Variants in ZNF133 observed in about 807,000 individuals in gnomAD.
The protein encoded by ZNF133 is zinc finger protein 133.
Under a neutral mutation model 54.9 loss-of-function variants are expected in ZNF133, and 26 were observed. That is an observed-to-expected ratio of 0.47 (90% CI 0.35 to 0.66). The LOEUF is 0.66. Ranked by LOEUF, ZNF133 falls within the 30% of genes least tolerant of loss-of-function variation. ZNF133 has a pLI of 0.01. For missense variants in ZNF133, 653 were observed against 820.8 expected (o/e 0.80, Z 2.50); for synonymous variants, 298 against 320.3 (o/e 0.93, Z 0.74).
intron 1 of ZNF133, among the ~76,000 whole-genome samples, chr20:18,291,908 A>C (rs1428616212): frequency 6.6e-6 from 1 of 152,082 alleles, no homozygotes; most frequent in Non-Finnish European, 1.5e-5. Context: ...TAATGTGTGC[A>C]ACAAGAAACT....
rs1023270166 is a variant in ZNF133, at chr20:18,316,807, C to T, written c.1956C>T (p.Tyr652=). ...PCAGQPSDSL[Y]SL Reference sequence around the variant, plus strand: ...CAGGGCAACCTTCGGATTCCTTATACTCTCTCTGAAGGCAAAGATGGGGAC... The same window carrying T: ...CAGGGCAACCTTCGGATTCCTTATATTCTCTCTGAAGGCAAAGATGGGGAC... Residue 652 remains tyrosine (Y), a synonymous_variant, in exon 7 of 7, where the codon TAC becomes TAT. Transcript: ENST00000425686. 4 of 1,606,460 alleles carry T rather than the reference C, an allele frequency of 2.5e-6. No individual in the cohort carries two copies. Among genetic ancestry groups the T allele is most frequent in the Non-Finnish European group, 3.4e-6 (4 of 1,175,482 alleles).
intron 6 of ZNF133, among the ~76,000 whole-genome samples, chr20:18,307,230 TTTTG>T (rs1462929272): frequency 1.3e-5 from 2 of 152,202 alleles, no homozygotes; most frequent in African/African-American, 2.4e-5. Flanking sequence ...TTTCTGTTCT[TTTTG>T]TTTGTTTGAA....
chr20:18,295,026 T>C (rs561386409), intron 1 of ZNF133: 1 of 152,310 alleles, frequency 6.6e-6, no homozygotes, highest in East Asian at 1.9e-4. Flanking sequence ...TGGGACAGTA[T>C]TTGGAGCATA....
intron 1 of ZNF133, among the ~76,000 whole-genome samples, chr20:18,289,560 C>T (rs894124441): frequency 1.3e-5 from 2 of 152,178 alleles, no homozygotes; most frequent in African/African-American, 4.8e-5. Flanking sequence ...GCCACATTTC[C>T]TCTAGGCTCT....
intron 1 of ZNF133, among the ~76,000 whole-genome samples, chr20:18,291,980 T>C (rs2041147942): frequency 6.6e-6 from 1 of 152,194 alleles, no homozygotes; most frequent in Admixed American, 6.5e-5. Flanking sequence ...TTCAAGAGTT[T>C]ATCTTGGAGC....
At chr20:18,301,610 G>T (rs2043373051) in intron 3 of ZNF133, among the ~76,000 whole-genome samples, 1 of 152,158 alleles carries the variant, frequency 6.6e-6, no homozygotes, top group Non-Finnish European at 1.5e-5. Flanking sequence ...GAAGTAAAAA[G>T]GATTGTACAA....
intron 2 of ZNF133, 56 bp downstream of exon 2, chr20:18,298,118 C>T: frequency 6.5e-7 from 1 of 1,534,878 alleles, no homozygotes; most frequent in South Asian, 1.2e-5. Flanking sequence ...ATTCCCTTCT[C>T]TTACCCTGAC....
At chr20:18,312,641 T>TC (rs2046338263) in intron 6 of ZNF133, 1 of 152,242 alleles carries the variant, frequency 6.6e-6, no homozygotes, top group Admixed American at 6.5e-5. Context: ...GAGCCAGAGC[T>TC]TCAGCTGCAG....
chr20:18,315,184 G>T lies in ZNF133; in HGVS notation c.333G>T (p.Leu111Phe). ...ATCCCCCCTGGATCTTCACATGCTT[G>T]TGTGCAGAAGGTAACATCCAGCCTG... The part of the protein sequence containing the change: ...CNHPPWIFTC[L>F]CAEGNIQPGD... The change falls in exon 7 of 7, where the codon TTG becomes TTT. Residue 111 changes from leucine (L) to phenylalanine (F), a missense_variant. Physicochemically the swap from Leu to Phe is conservative, Grantham distance 22. Coordinates refer to ENST00000425686, the MANE Select transcript of ZNF133 (RefSeq NM_001352452.2). 1.2e-6 allele frequency: 2 copies of T among 1,613,720 alleles called. No homozygotes were observed. Among genetic ancestry groups the T allele is most frequent in the Non-Finnish European group, 1.7e-6 (2 of 1,179,794 alleles).
At position 18,293,786 on chromosome 20, in the gene ZNF133, AC is replaced by A. The variant is rs528917190; in HGVS notation, c.-431-4198del. 7.9e-5 allele frequency among the ~76,000 whole-genome samples: 12 copies of A among 152,082 alleles called. No homozygotes were observed. In the South Asian group the frequency reaches 2.3e-3, roughly 29 times the overall value. ...TGGAATAATTTTAACAGCAAAATAA[AC>A]AGTGATACTATTGTATTATAACCCA... is the stretch of plus-strand genomic sequence containing the variant. On this transcript the variant is annotated intron_variant, in intron 1 of 6. Coordinates refer to ENST00000425686, the MANE Select transcript of ZNF133 (RefSeq NM_001352452.2).
chr20:18,297,873 T>C, intron 1 of ZNF133, 112 bp from the exon 2 acceptor site: 1 of 651,158 alleles, frequency 1.5e-6, no homozygotes, highest in South Asian at 1.9e-5. Flanking sequence ...CTTTATACTT[T>C]CCCCATTATG....
intron 2 of ZNF133, 30 bp from the exon 3 acceptor site, chr20:18,298,259 A>G (rs2042635819): frequency 4.2e-6 from 6 of 1,423,022 alleles, no homozygotes; most frequent in Non-Finnish European, 5.5e-6. Flanking sequence ...ATTCTACAGT[A>G]TGAGATAGAG....
At chr20:18,298,716 C>A (rs886243793) in intron 3 of ZNF133, among the ~76,000 whole-genome samples, 1 of 152,204 alleles carries the variant, frequency 6.6e-6, no homozygotes, top group African/African-American at 2.4e-5. Flanking sequence ...TGCAACCCCC[C>A]ACTGGCTAAA....
rs1481719332 is a variant in ZNF133, at chr20:18,305,721, A to C, written c.35A>C (p.Gln12Pro). 6.8e-6 allele frequency: 11 copies of C among 1,614,096 alleles called. No homozygotes were observed. The highest frequency in any genetic ancestry group is 9.3e-6 in the Non-Finnish European group (11 of 1,180,040). Residue 12 changes from glutamine (Q) to proline (P), a missense_variant, in exon 5 of 7, where the codon CAG becomes CCG. Physicochemically the swap from Gln to Pro is moderately conservative, Grantham distance 76 (BLOSUM62 -1). Around this residue, in one of 4 missense-constraint regions of ZNF133, gnomAD observed 227 missense variants for 233.9 expected, o/e 0.97. Transcript: ENST00000425686. The surrounding 1 kb of genome is among the most constrained non-coding windows in gnomAD (Gnocchi z 4.7). ...AFRDVAVDFT[Q>P]DEWRLLSPAQ... is the part of the protein sequence containing the mutation. ...AGGGATGTGGCTGTGGATTTCACCCAGGATGAGTGGAGGCTGCTGAGCCCT... is the reference window on the plus strand; with the variant it reads ...AGGGATGTGGCTGTGGATTTCACCCCGGATGAGTGGAGGCTGCTGAGCCCT...
At chr20:18,293,631 A>G (rs1028523475) in intron 1 of ZNF133, among the ~76,000 whole-genome samples, 22 of 152,284 alleles carry the variant, frequency 1.4e-4, no homozygotes, top group Non-Finnish European at 3.1e-4. Flanking sequence ...CTATTGTGTT[A>G]TAACCCATAG....
rs927707493 is a variant in ZNF133 at position 18,288,873 on chromosome 20, C to T, written c.-432+269C>T. On this transcript the variant is annotated intron_variant, in intron 1 of 6. Coordinates refer to ENST00000425686, the MANE Select transcript of ZNF133 (RefSeq NM_001352452.2). The stretch of plus-strand genomic sequence containing the variant: ...TGAGTGGGGGATCGGGCTCTCTCTC[C>T]TAGGGTTCTTGTGGGTGGGGACAGG... Among the ~76,000 whole-genome samples, 4 of 152,174 alleles carry T rather than the reference C, an allele frequency of 2.6e-5. No individual in the cohort carries two copies. The East Asian group carries it at 5.8e-4, about 22-fold the overall frequency.
At chr20:18,290,759 G>A (rs755295532) in intron 1 of ZNF133, among the ~76,000 whole-genome samples, 5 of 152,106 alleles carry the variant, frequency 3.3e-5, no homozygotes, top group Admixed American at 6.5e-5. Context: ...TGTGTTGACA[G>A]CCTTATAACT....
intron 1 of ZNF133, among the ~76,000 whole-genome samples, chr20:18,290,647 C>T (rs1268778318): frequency 6.6e-6 from 1 of 152,108 alleles, no homozygotes; most frequent in African/African-American, 2.4e-5. Flanking sequence ...GTCAGAACAG[C>T]CCTGGTCAGA....
In ZNF133 at chr20:18,316,346, T is replaced by A; in HGVS notation, c.1495T>A (p.Cys499Ser). 6.2e-7 allele frequency: 1 copy of A among 1,613,206 alleles called. No homozygotes were observed. Among genetic ancestry groups the A allele is most frequent in the African/African-American group, 1.3e-5 (1 of 74,692 alleles). Residue 499 changes from cysteine (C) to serine (S), a missense_variant, in exon 7 of 7, where the codon TGC becomes AGC. Coordinates refer to ENST00000425686, the MANE Select transcript of ZNF133 (RefSeq NM_001352452.2). Reference sequence around the variant, plus strand: ...CGAGAAGCCCATGGTGTGTGGGGAGTGCGGGCGAGGCTTCAGCCAGAAGTC... The same window carrying A: ...CGAGAAGCCCATGGTGTGTGGGGAGAGCGGGCGAGGCTTCAGCCAGAAGTC... Reference protein sequence around the residue: ...SGEKPMVCGECGRGFSQKSNL... With the variant: ...SGEKPMVCGESGRGFSQKSNL...
Sources: gnomAD v4.1 joint callset for allele counts (sites outside exome capture counted in the v4.1 genomes callset) on GRCh38, gnomAD v4.1.1 for gene constraint, gnomAD v4.1.1 regional missense constraint, Gnocchi (gnomAD v3.1) non-coding constraint, MANE v1.5 for transcripts, NCBI Gene and HGNC (gene_info 2026-07-23, HGNC 2026-07-21) for gene names.